HEG1: variants seen among roughly 807,000 people sequenced by gnomAD.
The protein encoded by HEG1 is heart development protein with EGF like domains 1, also known as protein HEG homolog 1.
In HEG1, 56 loss-of-function variants were observed where a neutral mutation model predicts 125.6. The ratio of observed to expected loss-of-function variants is 0.45; its 90% CI spans 0.36 to 0.56. The LOEUF (loss-of-function observed/expected upper bound fraction) is 0.56. Among genes scored for constraint, HEG1 ranks in the 20% least tolerant of loss-of-function variants. The pLI, the probability that HEG1 is intolerant of heterozygous loss-of-function variation, is 0.00. For missense variants in HEG1, 1,523 were observed against 1,670.0 expected, an observed-to-expected ratio of 0.91 and a Z score of 1.53; for synonymous variants, 644 against 668.5, an observed-to-expected ratio of 0.96 and a Z score of 0.57.
intron 11 of HEG1, among the ~76,000 whole-genome samples, chr3:124,999,451 T>C (rs1200751401): frequency 6.6e-6 from 1 of 152,234 alleles, no homozygotes; most frequent in Non-Finnish European, 1.5e-5. Flanking sequence ...GGCAGAAACC[T>C]GTCCAGGCTG....
intron 9 of HEG1, among the ~76,000 whole-genome samples, chr3:125,004,661 T>C (rs536816646): frequency 1.3e-5 from 2 of 152,188 alleles, no homozygotes; most frequent in Admixed American, 6.5e-5. Context: ...AGCTAACTTT[T>C]GTCTTTTTTG....
chr3:125,042,243 C>T (rs1937599303), intron 1 of HEG1, among the ~76,000 whole-genome samples: 1 of 152,164 alleles, frequency 6.6e-6, no homozygotes, highest in African/African-American at 2.4e-5. Context: ...GCCTGGCCAA[C>T]ATGGCAAAAC....
rs1937930934 is a variant in HEG1 at position 125,055,897 on chromosome 3, G to T, written c.-7C>A. On this transcript the variant is annotated 5_prime_UTR_variant, in exon 1 of 17. Coordinates refer to ENST00000311127, the MANE Select transcript of HEG1 (RefSeq NM_020733.2). ...AGGCGCGCGGCGAGGCCATGGTGAC[G>T]GCGCCCGCCCGCGCTCACATGCCCG... 2.0e-6 allele frequency: 2 copies of T among 980,396 alleles called. No homozygotes were observed. The highest frequency in any genetic ancestry group is 2.4e-6 in the Non-Finnish European group (2 of 827,578). The allele number at this position is 980,396 out of a possible 1,614,324, so 60.7% of individuals were successfully genotyped here.
At chr3:124,988,030 TTC>T (rs1936772763) in intron 14 of HEG1, among the ~76,000 whole-genome samples, 1 of 149,552 alleles carries the variant, frequency 6.7e-6, no homozygotes, top group South Asian at 2.2e-4. Context: ...TATCTTAAAT[TTC>T]TGTCTGATTA....
At position 125,027,394 on chromosome 3, in the gene HEG1, G is replaced by A; in HGVS notation, c.724C>T (p.Leu242=). Residue 242 remains leucine, a synonymous_variant, in exon 3 of 17, where the codon CTG becomes TTG. Transcript: ENST00000311127. ...SEMGTERAMG[L]SEEWTVHSQE... ...CTGTGCACAGTCCATTCTTCTGACA[G>A]CCCCATCGCCCTCTCTGTTCCCATC... 1 of 1,614,028 alleles carries A rather than the reference G, an allele frequency of 6.2e-7. No homozygotes were observed.
chr3:125,006,637 T>C (rs748188876), intron 8 of HEG1, among the ~76,000 whole-genome samples: 4 of 152,232 alleles, frequency 2.6e-5, no homozygotes, highest in African/African-American at 7.2e-5. Context: ...TAGGACTCTT[T>C]CTGAGCAGCA....
At chr3:124,979,851 G>C (rs767726690) in intron 14 of HEG1, among the ~76,000 whole-genome samples, 8 of 152,210 alleles carry the variant, frequency 5.3e-5, no homozygotes, top group Non-Finnish European at 1.2e-4. Flanking sequence ...ACTAGGTGCT[G>C]GTTGAGAATG....
At position 125,027,299 on chromosome 3, in the gene HEG1, C is replaced by T. The variant is rs764684933; in HGVS notation, c.819G>A (p.Thr273=). 18 of 1,613,650 alleles carry T rather than the reference C, an allele frequency of 1.1e-5. No individual in the cohort carries two copies. Among genetic ancestry groups the T allele is most frequent in the Admixed American group, 1.0e-4 (6 of 59,974 alleles). The stretch of plus-strand genomic sequence containing the variant: ...CTGAGGAATTTCTCTTCCTAGAAGG[C>T]GTGGTCAGCTCTCCCATCTCCAAAG... ...LPALEMGELT[T]PSRKRNSSGP... is the part of the protein sequence containing the mutation. Residue 273 remains threonine (T), a synonymous_variant, in exon 3 of 17, where the codon ACG becomes ACA. Transcript: ENST00000311127.
chr3:125,017,308 A>G (rs1937266163), intron 5 of HEG1, among the ~76,000 whole-genome samples: 1 of 152,048 alleles, frequency 6.6e-6, no homozygotes, highest in South Asian at 2.1e-4. Context: ...ACCCGCCTTG[A>G]CCTCCCAAAG....
chr3:124,978,262 C>T (rs924735552), intron 14 of HEG1, among the ~76,000 whole-genome samples: 1 of 152,204 alleles, frequency 6.6e-6, no homozygotes, highest in Admixed American at 6.5e-5. Context: ...ATTCTCCTGC[C>T]TCGGCCTCCC....
rs769086150 is a variant in HEG1, at chr3:124,973,862, C to A, written c.3865G>T (p.Asp1289Tyr). ...TCAGCATACGGGGACATTTGGAAAT[C>A]TCCACTTTTGAAGATGAGTTTGCTT... is the stretch of plus-strand genomic sequence containing the variant. ...DISKLIFKSGDFQMSPYAEYP... is the reference protein window; with the variant it reads ...DISKLIFKSGYFQMSPYAEYP... The change falls in exon 16 of 17, where the codon GAT becomes TAT. Residue 1289 changes from aspartate to tyrosine, a missense_variant. Coordinates refer to ENST00000311127, the MANE Select transcript of HEG1 (RefSeq NM_020733.2). 2.5e-6 allele frequency: 4 copies of A among 1,612,970 alleles called. No individual in the cohort carries two copies. Among genetic ancestry groups the A allele is most frequent in the Admixed American group, 1.7e-5 (1 of 59,934 alleles).
Position 125,029,506 on chromosome 3 carries a change from T to C in HEG1, c.317-18A>G, listed in dbSNP as rs772167059. On this transcript the variant is annotated intron_variant, in intron 1 of 16. Transcript: ENST00000311127. Reference sequence around the variant, plus strand: ...GGCAGCATCTGAAAGAAGAAGAGGATGCATCAGGGAGAGTTTGCTGGCTTC... The same window carrying C: ...GGCAGCATCTGAAAGAAGAAGAGGACGCATCAGGGAGAGTTTGCTGGCTTC... 1.3e-6 allele frequency: 2 copies of C among 1,587,958 alleles called. No individual in the cohort carries two copies. The highest frequency in any genetic ancestry group is 2.2e-5 in the East Asian group (1 of 44,648).
In HEG1 at chr3:125,001,435, C is replaced by T. The variant is rs750639612; in HGVS notation, c.3517+417G>A. 1.3e-4 allele frequency among the ~76,000 whole-genome samples: 20 copies of T among 152,074 alleles called. 1 individual carries two copies. The highest frequency in any genetic ancestry group is 2.6e-4 in the Non-Finnish European group (18 of 68,020). On this transcript the variant is annotated intron_variant, in intron 11 of 16. Coordinates refer to ENST00000311127, the MANE Select transcript of HEG1 (RefSeq NM_020733.2). ...CTGGGATTACAGGTGTGAGCCACTG[C>T]CTCTGGCCAGATGAAGGTTTTTTTG...
Position 124,966,702 on chromosome 3 carries a change from T to G in HEG1, c.*3950A>C, listed in dbSNP as rs1936320560. The G allele has an allele frequency of 6.6e-6, 1 of 152,250 alleles. No individual in the cohort carries two copies. Among genetic ancestry groups the G allele is most frequent in the Non-Finnish European group, 1.5e-5 (1 of 68,034 alleles). The allele number at this position is 152,250 out of a possible 1,614,324, so 9.4% of individuals were successfully genotyped here. A position where few individuals can be genotyped will look rare whatever the true frequency, so the allele number is the denominator to read the frequency against. ...GTGCTGTAGTCTCAAAATTTGTGTA[T>G]TTTAGAACTATGGGTCAAAACCCTG... On this transcript the variant is annotated 3_prime_UTR_variant, in exon 17 of 17. Coordinates refer to ENST00000311127, the MANE Select transcript of HEG1 (RefSeq NM_020733.2).
At chr3:125,043,640 AG>A (rs1469989155) in intron 1 of HEG1, among the ~76,000 whole-genome samples, 1 of 152,058 alleles carries the variant, frequency 6.6e-6, no homozygotes, top group Non-Finnish European at 1.5e-5. Context: ...TCTTTGGTAA[AG>A]GGGGAGTTTC....
chr3:125,036,921 A>G (rs1418144236), intron 1 of HEG1, among the ~76,000 whole-genome samples: 1 of 152,258 alleles, frequency 6.6e-6, no homozygotes, highest in African/African-American at 2.4e-5. Flanking sequence ...AAATAGGCAT[A>G]TATTTTGGCC....
Position 125,027,496 on chromosome 3 carries a change from G to A in HEG1, c.622C>T (p.Leu208Phe). Residue 208 changes from leucine to phenylalanine, a missense_variant, in exon 3 of 17, where the codon CTT becomes TTT. Transcript: ENST00000311127. ...SQSGNLASES[L>F]HLPSSSSEFD... is the part of the protein sequence containing the mutation. The stretch of plus-strand genomic sequence containing the variant: ...TCTGAACTGCTGGATGGCAGGTGAA[G>A]ACTTTCTGAGGCTGAAAACAGACAA... The A allele has an allele frequency of 6.2e-7, 1 of 1,600,986 alleles. No individual in the cohort carries two copies. The highest frequency in any genetic ancestry group is 8.5e-7 in the Non-Finnish European group (1 of 1,174,742).
intron 1 of HEG1, among the ~76,000 whole-genome samples, chr3:125,034,998 G>C (rs1295500826): frequency 6.6e-6 from 1 of 152,180 alleles, no homozygotes; most frequent in Non-Finnish European, 1.5e-5. Flanking sequence ...ATTTGAGACA[G>C]AGTCTCACTC....
At chr3:124,993,615 T>G (rs952763536) in intron 12 of HEG1, among the ~76,000 whole-genome samples, 2 of 152,182 alleles carry the variant, frequency 1.3e-5, no homozygotes, top group Non-Finnish European at 2.9e-5. Flanking sequence ...ATTGCTTGCT[T>G]CTTCAGTGAC....
Sources: allele counts gnomAD v4.1 joint callset (sites outside exome capture counted in the v4.1 genomes callset), GRCh38; gene constraint gnomAD v4.1.1; transcripts MANE v1.5; gene names NCBI Gene and HGNC (gene_info 2026-07-23, HGNC 2026-07-21).